NPLOC4: variants seen among roughly 807,000 people sequenced by gnomAD.
NPLOC4 encodes the protein NPL4 homolog, ubiquitin recognition factor.
NPLOC4 carries 18 observed loss-of-function variants against 80.6 expected under a neutral mutation model. That is an observed-to-expected ratio of 0.22 (90% confidence interval 0.15 to 0.33). NPLOC4 has a LOEUF of 0.33. Ranked by LOEUF, NPLOC4 falls within the 10% of genes least tolerant of loss-of-function variation. The probability of loss-of-function intolerance (pLI) is 1.00; values close to 1 mark genes in which losing one functional copy is unlikely to be tolerated. For synonymous variants in NPLOC4, 313 were observed against 301.5 expected (o/e 1.04, Z -0.39); for missense variants, 540 against 786.1 (o/e 0.69, Z 3.74).
chr17:81,563,872 C>T (rs1404268563), intron 16 of NPLOC4: 4 of 452,816 alleles, frequency 8.8e-6, no homozygotes, highest in Admixed American at 4.8e-5. Flanking sequence ...AAACCAAATA[C>T]TACATGTTTT....
intron 1 of NPLOC4, 111 bp downstream of exon 1, chr17:81,636,805 A>G (rs9895741): frequency 0.68 from 786,104 of 1,159,684 alleles, 271,753 homozygotes; most frequent in East Asian, 1. Context: ...GCGAGAGAAG[A>G]GAAAGGGGCC....
intron 8 of NPLOC4, among the ~76,000 whole-genome samples, chr17:81,603,602 T>C (rs957968992): frequency 7.2e-5 from 11 of 152,162 alleles, no homozygotes; most frequent in African/African-American, 2.6e-4. Flanking sequence ...CTCTAAAAAA[T>C]AAATAAATAA....
At chr17:81,630,473 G>T (rs1054776585) in intron 1 of NPLOC4, among the ~76,000 whole-genome samples, 7 of 152,044 alleles carry the variant, frequency 4.6e-5, no homozygotes, top group East Asian at 1.9e-4. Context: ...TTGTAGTGAC[G>T]GAGTGTCATA....
At chr17:81,608,261 A>G (rs1179100388) in intron 6 of NPLOC4, among the ~76,000 whole-genome samples, 1 of 152,228 alleles carries the variant, frequency 6.6e-6, no homozygotes, top group Admixed American at 6.5e-5. Context: ...TTTTTCTGAA[A>G]AGCAGAGAAT....
intron 12 of NPLOC4, among the ~76,000 whole-genome samples, chr17:81,575,369 G>A (rs905772930): frequency 6.6e-6 from 1 of 152,218 alleles, no homozygotes; most frequent in Non-Finnish European, 1.5e-5. Context: ...CCAAAGTGCT[G>A]GGACTACAGG....
chr17:81,635,098 T>A (rs2036030314), intron 1 of NPLOC4, among the ~76,000 whole-genome samples: 1 of 151,798 alleles, frequency 6.6e-6, no homozygotes, highest in African/African-American at 2.4e-5. Context: ...TCCCAGCATT[T>A]TGGTATGCCA....
At chr17:81,609,979 A>G (rs2035300537) in intron 5 of NPLOC4, among the ~76,000 whole-genome samples, 1 of 152,238 alleles carries the variant, frequency 6.6e-6, no homozygotes, top group Non-Finnish European at 1.5e-5. Context: ...TATCACAGCC[A>G]CACAAATGCT....
intron 16 of NPLOC4, chr17:81,565,093 G>A (rs1412413734): frequency 2.3e-5 from 13 of 576,926 alleles, no homozygotes; most frequent in Non-Finnish European, 4.0e-5. Flanking sequence ...CAACATGGAT[G>A]CTGCAGGCTT....
chr17:81,571,932 C>T, intron 13 of NPLOC4, 85 bp downstream of exon 13: 1 of 971,506 alleles, frequency 1.0e-6, no homozygotes, highest in Non-Finnish European at 1.5e-6. Context: ...GCAGCCTCCT[C>T]CCTTGAGCAG....
chr17:81,569,250 A>C, intron 13 of NPLOC4, 139 bp from the exon 14 acceptor site: 1 of 621,834 alleles, frequency 1.6e-6, no homozygotes, highest in Non-Finnish European at 2.9e-6. Flanking sequence ...CTCTCCATCA[A>C]AGGGAACCGT....
chr17:81,608,904 A>G, intron 5 of NPLOC4, 82 bp from the exon 6 acceptor site: 8 of 1,076,924 alleles, frequency 7.4e-6, no homozygotes, highest in Non-Finnish European at 1.1e-5. Flanking sequence ...GCACAGGGGG[A>G]GGCCAGCAGC....
intron 15 of NPLOC4, among the ~76,000 whole-genome samples, chr17:81,565,874 A>C (rs1416747461): frequency 1.3e-5 from 2 of 152,158 alleles, no homozygotes; most frequent in Non-Finnish European, 2.9e-5. Context: ...AACAGCCCGG[A>C]GGATAGGAGC....
intron 3 of NPLOC4, among the ~76,000 whole-genome samples, chr17:81,621,141 A>T (rs1211072916): frequency 6.6e-6 from 1 of 152,182 alleles, no homozygotes; most frequent in Non-Finnish European, 1.5e-5. Context: ...AAAGAAAAAA[A>T]AAAGAAAAAT....
intron 3 of NPLOC4, among the ~76,000 whole-genome samples, chr17:81,619,833 T>C (rs6565602): frequency 0.62 from 92,398 of 149,762 alleles, 30,402 homozygotes; most frequent in East Asian, 0.99. Flanking sequence ...GAGCTGAGAT[T>C]GCGCCACTGC....
chr17:81,605,344 A>C (rs541522422), intron 7 of NPLOC4, among the ~76,000 whole-genome samples: 1 of 151,246 alleles, frequency 6.6e-6, no homozygotes, highest in African/African-American at 2.4e-5. Flanking sequence ...AAAACAATAA[A>C]CATTACTTAA....
chr17:81,576,416 G>A (rs531424126), intron 12 of NPLOC4, among the ~76,000 whole-genome samples: 11 of 152,168 alleles, frequency 7.2e-5, no homozygotes, highest in East Asian at 1.9e-4. Flanking sequence ...TCATGTATAC[G>A]GAGGTCTAAC....
chr17:81,563,917 G>A (rs1336065083), intron 16 of NPLOC4: 1 of 454,736 alleles, frequency 2.2e-6, no homozygotes, highest in African/African-American at 2.0e-5. Context: ...GGGTACTCAC[G>A]TACATAAAGA....
rs766964379 is a variant in NPLOC4 at position 81,596,161 on chromosome 17, G to T, written c.1075C>A (p.Pro359Thr). The T allele has an allele frequency of 9.3e-6, 15 of 1,613,978 alleles. No homozygotes were observed. The highest frequency in any genetic ancestry group is 1.3e-5 in the African/African-American group (1 of 75,052). Residue 359 changes from proline (P) to threonine (T), a missense_variant, in exon 11 of 17, where the codon CCA (proline) becomes ACA (threonine). Pro to Thr is a conservative substitution (Grantham distance 38). Around this residue, in one of 6 missense-constraint regions of NPLOC4, gnomAD observed 251 missense variants for 377.5 expected, o/e 0.66. Transcript: ENST00000331134. ...NKHPNMCRLS[P>T]DGHFGSKFVT... ...AACTTGGATCCAAAATGTCCGTCTG[G>T]AGAGAGCCGGCACATGTTGGGATGC... is the stretch of plus-strand genomic sequence containing the variant.
intron 9 of NPLOC4, among the ~76,000 whole-genome samples, chr17:81,599,252 G>T (rs2035002969): frequency 6.6e-6 from 1 of 151,532 alleles, no homozygotes; most frequent in South Asian, 2.1e-4. Flanking sequence ...TCGTGCCACT[G>T]CACTCCAGCC....
Sources: gnomAD v4.1 joint callset for allele counts (sites outside exome capture counted in the v4.1 genomes callset) on GRCh38, gnomAD v4.1.1 for gene constraint, gnomAD v4.1.1 regional missense constraint, MANE v1.5 for transcripts, NCBI Gene and HGNC (gene_info 2026-07-23, HGNC 2026-07-21) for gene names.